The following RORA variants were observed in gnomAD, a reference collection of about 807,000 sequenced individuals.
RORA encodes nuclear receptor ROR-alpha.
In RORA, 7 loss-of-function variants were observed where a neutral mutation model predicts 69.5. The ratio of observed to expected loss-of-function variants is 0.10; its 90% CI spans 0.06 to 0.19. RORA has a LOEUF of 0.19. Among genes scored for constraint, RORA ranks in the 10% least tolerant of loss-of-function variants. The pLI is 1.00. For missense variants in RORA, 457 were observed against 663.0 expected, an observed-to-expected ratio of 0.69 and a Z score of 3.41; for synonymous variants, 261 against 240.8, an observed-to-expected ratio of 1.08 and a Z score of -0.78.
intron 1 of RORA, among the ~76,000 whole-genome samples, chr15:60,762,560 C>A (rs761424443): frequency 6.6e-6 from 1 of 152,098 alleles, no homozygotes; most frequent in Non-Finnish European, 1.5e-5. Context: ...CACACACCCA[C>A]GCACACACAC....
intron 5 of RORA, among the ~76,000 whole-genome samples, chr15:60,510,170 C>T (rs1033031042): frequency 6.6e-6 from 1 of 152,206 alleles, no homozygotes; most frequent in Non-Finnish European, 1.5e-5. Flanking sequence ...TCTTCATTCT[C>T]TCCTTGTATT....
chr15:60,592,308 A>ACCCCTCCCCCTGCGCGCCCT (rs2068548288), intron 2 of RORA: 11 of 1,031,278 alleles, frequency 1.1e-5, no homozygotes, highest in Admixed American at 4.5e-5. Context: ...AGGCGCGCCC[A>ACCCCTCCCCCTGCGCGCCCT]CCCCTCCCCC....
At chr15:60,827,233 A>C (rs1003181905) in intron 1 of RORA, among the ~76,000 whole-genome samples, 3 of 152,188 alleles carry the variant, frequency 2.0e-5, no homozygotes, top group African/African-American at 7.2e-5. Flanking sequence ...CTGTTCTGTC[A>C]GAAGGCTCTG....
intron 2 of RORA, among the ~76,000 whole-genome samples, chr15:60,615,894 TCCATTCAC>T: frequency 6.6e-6 from 1 of 152,268 alleles, no homozygotes; most frequent in South Asian, 2.1e-4. Flanking sequence ...TTTCTCACTC[TCCATTCAC>T]CCATGTGCCC....
At chr15:60,829,272 T>C (rs548215785) in intron 1 of RORA, among the ~76,000 whole-genome samples, 1 of 152,224 alleles carries the variant, frequency 6.6e-6, no homozygotes, top group Non-Finnish European at 1.5e-5. Context: ...ATTCAGCAGG[T>C]CACTGCTGCC....
At chr15:60,569,709 C>A (rs905083314) in intron 2 of RORA, among the ~76,000 whole-genome samples, 22 of 152,070 alleles carry the variant, frequency 1.4e-4, no homozygotes, top group Non-Finnish European at 1.0e-4. Context: ...ATGGCTTGAA[C>A]AGGGGAGGAT....
intron 5 of RORA, among the ~76,000 whole-genome samples, chr15:60,508,815 GC>G (rs1290794628): frequency 6.6e-6 from 1 of 152,290 alleles, no homozygotes; most frequent in African/African-American, 2.4e-5. Context: ...CCTGCGCAAA[GC>G]TTTAGATATC....
chr15:60,554,482 A>G (rs1316890174), intron 2 of RORA, among the ~76,000 whole-genome samples: 1 of 152,236 alleles, frequency 6.6e-6, no homozygotes, highest in African/African-American at 2.4e-5. Flanking sequence ...TTTAATAACC[A>G]AGGCACCATT....
chr15:60,555,182 A>G (rs191744288), intron 2 of RORA, among the ~76,000 whole-genome samples: 2 of 152,298 alleles, frequency 1.3e-5, no homozygotes, highest in Non-Finnish European at 2.9e-5. Flanking sequence ...GGAGCACACC[A>G]GGTGGCCAGA....
At chr15:61,221,712 A>G (rs193027897) in intron 1 of RORA, among the ~76,000 whole-genome samples, 157 of 152,304 alleles carry the variant, frequency 1.0e-3, no homozygotes, top group African/African-American at 3.6e-3. Flanking sequence ...CCCCCGAAGT[A>G]AGCTAGGTAT....
In RORA at chr15:61,165,163, CT is replaced by C. The variant is rs535778868; in HGVS notation, c.166+63889del. Reference sequence around the variant, plus strand: ...CACTTGTTTCATTCTTTTCACCTTCCTGCTGCCTCAACACAGGGAGTATCTT... The same window carrying C: ...CACTTGTTTCATTCTTTTCACCTTCCGCTGCCTCAACACAGGGAGTATCTT... On this transcript the variant is annotated intron_variant, in intron 1 of 10. Coordinates refer to ENST00000335670, the MANE Select transcript of RORA (RefSeq NM_134261.3). Among the ~76,000 whole-genome samples the C allele has an allele frequency of 3.0e-4, 46 of 152,348 alleles. 1 individual carries two copies. The highest frequency in any genetic ancestry group is 1.1e-3 in the African/African-American group (46 of 41,572).
intron 1 of RORA, among the ~76,000 whole-genome samples, chr15:60,997,662 A>G (rs951265): frequency 0.45 from 68,807 of 151,992 alleles, 16,694 homozygotes; most frequent in Non-Finnish European, 0.54. Flanking sequence ...TATCTTCCAC[A>G]TGATAGTTAT....
intron 1 of RORA, among the ~76,000 whole-genome samples, chr15:61,086,626 T>C (rs966288240): frequency 6.6e-5 from 10 of 152,288 alleles, no homozygotes; most frequent in Middle Eastern, 3.4e-3. Flanking sequence ...TTGGCCGCTT[T>C]AGAGATTGCC....
chr15:60,942,985 T>C (rs1026775512), intron 1 of RORA, among the ~76,000 whole-genome samples: 1 of 152,244 alleles, frequency 6.6e-6, no homozygotes, highest in Non-Finnish European at 1.5e-5. Context: ...TCTGCCTTCA[T>C]AGAATGGTTG....
chr15:60,507,595 A>G (rs1350667818), intron 5 of RORA, among the ~76,000 whole-genome samples: 2 of 152,226 alleles, frequency 1.3e-5, no homozygotes, highest in Non-Finnish European at 2.9e-5. Flanking sequence ...CATGTCTTAG[A>G]ATCAATGACG....
intron 1 of RORA, among the ~76,000 whole-genome samples, chr15:60,752,568 C>T (rs1483474755): frequency 2.0e-5 from 3 of 151,972 alleles, no homozygotes. Context: ...ATTAATTTGC[C>T]GCCGAGAACA....
chr15:60,530,416 C>CT (rs1348378851), intron 3 of RORA: 3 of 152,224 alleles, frequency 2.0e-5, no homozygotes, highest in Non-Finnish European at 4.4e-5. Flanking sequence ...AGCTGTCTTC[C>CT]CTGAGTAGCT....
At chr15:60,828,429 G>A (rs2072994949) in intron 1 of RORA, among the ~76,000 whole-genome samples, 1 of 152,194 alleles carries the variant, frequency 6.6e-6, no homozygotes, top group Non-Finnish European at 1.5e-5. Flanking sequence ...GAAGGGAAGG[G>A]GAAGTGAAGA....
At chr15:60,724,982 C>T (rs773062004) in intron 1 of RORA, among the ~76,000 whole-genome samples, 4 of 152,150 alleles carry the variant, frequency 2.6e-5, no homozygotes, top group South Asian at 4.1e-4. Context: ...GTCTAGGTGA[C>T]GCTTCTAAAA....
Sources: gnomAD v4.1 joint callset for allele counts (sites outside exome capture counted in the v4.1 genomes callset) on GRCh38, gnomAD v4.1.1 for gene constraint, MANE v1.5 for transcripts, NCBI Gene and HGNC (gene_info 2026-07-23, HGNC 2026-07-21) for gene names.